The following SIPA1L1 variants were observed in gnomAD, a reference collection of about 807,000 sequenced individuals.
SIPA1L1 encodes the protein signal-induced proliferation-associated 1-like protein 1.
A neutral mutation model predicts 162.7 loss-of-function variants in SIPA1L1; 26 were observed. The observed-to-expected ratio is 0.16, with a 90% CI of 0.12 to 0.22. The LOEUF (loss-of-function observed/expected upper bound fraction) is 0.22, where lower values mean the gene tolerates loss of function less well. Ranked by LOEUF, SIPA1L1 falls within the 10% of genes least tolerant of loss-of-function variation. The pLI is 1.00. For synonymous variants in SIPA1L1, 829 were observed against 837.4 expected (o/e 0.99, Z 0.17); for missense variants, 1,874 against 2,241.0 (o/e 0.84, Z 3.31).
chr14:71,593,030 C>G (rs2035594922), intron 5 of SIPA1L1, among the ~76,000 whole-genome samples: 1 of 152,056 alleles, frequency 6.6e-6, no homozygotes, highest in South Asian at 2.1e-4. Context: ...TATTGAGTTC[C>G]TCACTTAATG....
intron 2 of SIPA1L1, among the ~76,000 whole-genome samples, chr14:71,338,893 C>G (rs2035360966): frequency 6.6e-6 from 1 of 152,006 alleles, no homozygotes; most frequent in Non-Finnish European, 1.5e-5. Context: ...GTGTGCACCA[C>G]CACACCCGGC....
chr14:71,330,181 G>A (rs1383214863), intron 2 of SIPA1L1, among the ~76,000 whole-genome samples: 7 of 152,168 alleles, frequency 4.6e-5, no homozygotes, highest in African/African-American at 1.7e-4. Context: ...GGAACTAAAA[G>A]TGCAATACAG....
chr14:71,517,293 TTGTAA>T (rs963949268), intron 3 of SIPA1L1, among the ~76,000 whole-genome samples: 3 of 152,192 alleles, frequency 2.0e-5, no homozygotes, highest in Non-Finnish European at 4.4e-5. Context: ...TTCAGTAAGC[TTGTAA>T]TGTAATTAAA....
intron 4 of SIPA1L1, among the ~76,000 whole-genome samples, chr14:71,582,114 C>T (rs1277585557): frequency 6.6e-6 from 1 of 152,014 alleles, no homozygotes; most frequent in Admixed American, 6.6e-5. Context: ...TGGTAGGATC[C>T]CTTGAACCCA....
At chr14:71,702,657 A>G in intron 15 of SIPA1L1, 152 bp downstream of exon 15, 1 of 727,790 alleles carries the variant, frequency 1.4e-6, no homozygotes. Flanking sequence ...GTATAAGTGA[A>G]AACAATAAAT....
intron 4 of SIPA1L1, among the ~76,000 whole-genome samples, chr14:71,552,391 A>G (rs8010616): frequency 0.84 from 126,362 of 150,824 alleles, 53,516 homozygotes; most frequent in African/African-American, 0.95. Flanking sequence ...CCCATACCCT[A>G]TTTCTTTTTT....
chr14:71,335,652 A>G (rs2035017587), intron 2 of SIPA1L1, among the ~76,000 whole-genome samples: 1 of 152,214 alleles, frequency 6.6e-6, no homozygotes, highest in Non-Finnish European at 1.5e-5. Context: ...AGGAGATATC[A>G]TGGGGGCAGA....
At chr14:71,653,479 T>C (rs1426901720) in intron 8 of SIPA1L1, among the ~76,000 whole-genome samples, 1 of 152,200 alleles carries the variant, frequency 6.6e-6, no homozygotes, top group Non-Finnish European at 1.5e-5. Flanking sequence ...CTAGCAAATA[T>C]CAGTCACCTC....
At chr14:71,422,214 A>G (rs963269860) in intron 2 of SIPA1L1, among the ~76,000 whole-genome samples, 1 of 152,196 alleles carries the variant, frequency 6.6e-6, no homozygotes, top group African/African-American at 2.4e-5. Context: ...AGCTTCATTT[A>G]TGATGTTATA....
At chr14:71,559,961 T>C (rs897254308) in intron 4 of SIPA1L1, among the ~76,000 whole-genome samples, 3 of 152,148 alleles carry the variant, frequency 2.0e-5, no homozygotes, top group Non-Finnish European at 4.4e-5. Context: ...ACTAAATTTA[T>C]GCTCCATATG....
chr14:71,605,350 A>T (rs758412458), intron 5 of SIPA1L1, among the ~76,000 whole-genome samples: 2 of 152,048 alleles, frequency 1.3e-5, no homozygotes, highest in African/African-American at 4.8e-5. Context: ...AACATTTTGA[A>T]TTCTTTTTCT....
At chr14:71,708,232 G>A (rs1454353408) in intron 16 of SIPA1L1, among the ~76,000 whole-genome samples, 1 of 151,312 alleles carries the variant, frequency 6.6e-6, no homozygotes, top group East Asian at 1.9e-4. Context: ...TCTTGTAAGA[G>A]CTTTATAGTT....
chr14:71,526,857 A>C (rs1320840677), intron 3 of SIPA1L1, among the ~76,000 whole-genome samples: 1 of 152,230 alleles, frequency 6.6e-6, no homozygotes, highest in Non-Finnish European at 1.5e-5. Flanking sequence ...ATGTTTGCAC[A>C]TTCCCAGGAG....
At chr14:71,733,603 G>T in intron 20 of SIPA1L1, 63 bp from the exon 21 acceptor site, 1 of 1,527,376 alleles carries the variant, frequency 6.5e-7, no homozygotes, top group Non-Finnish European at 9.0e-7. Context: ...CAGGAAAGAG[G>T]TAAGTTTTGA....
At chr14:71,355,085 G>A (rs1411386669) in intron 2 of SIPA1L1, among the ~76,000 whole-genome samples, 1 of 152,208 alleles carries the variant, frequency 6.6e-6, no homozygotes, top group Admixed American at 6.5e-5. Flanking sequence ...AAACGTGTAA[G>A]CGATCTTTAT....
At chr14:71,542,040 G>C (rs1394823587) in intron 4 of SIPA1L1, among the ~76,000 whole-genome samples, 1 of 152,088 alleles carries the variant, frequency 6.6e-6, no homozygotes, top group African/African-American at 2.4e-5. Context: ...CAACCTGCTA[G>C]AGAATGAACT....
chr14:71,643,039 T>C (rs191946115), intron 7 of SIPA1L1, among the ~76,000 whole-genome samples: 176 of 151,470 alleles, frequency 1.2e-3, no homozygotes, highest in African/African-American at 4.1e-3. Context: ...ATTCATATAA[T>C]TGGAGACCCC....
chr14:71,344,989 G>T (rs1010382138), intron 2 of SIPA1L1, among the ~76,000 whole-genome samples: 1 of 152,172 alleles, frequency 6.6e-6, no homozygotes, highest in Non-Finnish European at 1.5e-5. Context: ...CATCTGCACT[G>T]CACAGGAAAA....
intron 13 of SIPA1L1, 32 bp from the exon 14 acceptor site, chr14:71,698,949 G>A (rs2081871659): frequency 6.2e-7 from 1 of 1,613,278 alleles, no homozygotes; most frequent in Admixed American, 1.7e-5. Context: ...CCTTTGAATT[G>A]TTGACTTCAT....
Sources: allele counts gnomAD v4.1 joint callset (sites outside exome capture counted in the v4.1 genomes callset), GRCh38; gene constraint gnomAD v4.1.1; transcripts MANE v1.5; gene names NCBI Gene and HGNC (gene_info 2026-07-23, HGNC 2026-07-21).